The following PHC2 variants were observed in gnomAD, a reference collection of about 807,000 sequenced individuals.
PHC2 encodes the protein polyhomeotic homolog 2, also known as polyhomeotic-like protein 2.
In PHC2, 29 loss-of-function variants were observed where a neutral mutation model predicts 87.4. The ratio of observed to expected loss-of-function variants is 0.33; its 90% CI spans 0.25 to 0.45. The LOEUF is 0.45. Ranked by LOEUF, PHC2 falls within the 20% of genes least tolerant of loss-of-function variation. PHC2 has a pLI of 1.00. For missense variants in PHC2, 857 were observed against 1,136.7 expected, an observed-to-expected ratio of 0.75 and a Z score of 3.54; for synonymous variants, 438 against 461.7, an observed-to-expected ratio of 0.95 and a Z score of 0.66.
intron 6 of PHC2, 62 bp from the exon 7 acceptor site, chr1:33,367,490 T>A: frequency 7.8e-7 from 1 of 1,284,976 alleles, no homozygotes. Context: ...AGTATACAAC[T>A]AAGAGGGAGA....
intron 13 of PHC2, among the ~76,000 whole-genome samples, chr1:33,329,723 A>G (rs1431226232): frequency 1.3e-5 from 2 of 152,162 alleles, no homozygotes; most frequent in Non-Finnish European, 2.9e-5. Context: ...CAAAGGGTGG[A>G]GGCTGCCTTC....
At chr1:33,411,063 C>T (rs777684148) in intron 1 of PHC2, among the ~76,000 whole-genome samples, 3 of 152,118 alleles carry the variant, frequency 2.0e-5, no homozygotes, top group Non-Finnish European at 4.4e-5. Context: ...GAATGAATTA[C>T]ATTTCGATAA....
At chr1:33,337,498 T>C (rs976173598) in intron 9 of PHC2, among the ~76,000 whole-genome samples, 34 of 152,316 alleles carry the variant, frequency 2.2e-4, no homozygotes, top group Non-Finnish European at 1.0e-4. Context: ...GTCTCTATCA[T>C]TGAGTCAACT....
intron 9 of PHC2, chr1:33,346,406 AG>A (rs1179202264): frequency 1.6e-5 from 16 of 985,328 alleles, no homozygotes; most frequent in Non-Finnish European, 3.6e-6. Context: ...GGAATAAAAG[AG>A]AAACTATCAA....
intron 1 of PHC2, among the ~76,000 whole-genome samples, chr1:33,400,978 T>C (rs1163224027): frequency 1.3e-5 from 2 of 152,172 alleles, no homozygotes; most frequent in African/African-American, 4.8e-5. Context: ...AAAGGAATTG[T>C]CTGAAGGTTA....
At position 33,375,510 on chromosome 1, in the gene PHC2, T is replaced by G. The variant is rs769454048; in HGVS notation, c.30A>C (p.Thr10=). The G allele has an allele frequency of 6.2e-6, 10 of 1,601,126 alleles. No individual in the cohort carries two copies. The highest frequency in any genetic ancestry group is 8.5e-6 in the Non-Finnish European group (10 of 1,173,506). The change falls in exon 2 of 15, where the codon ACA becomes ACC. Residue 10 remains threonine (T), a synonymous_variant. Coordinates refer to ENST00000683057, the MANE Select transcript of PHC2 (RefSeq NM_001385109.1). ...TGCTGGTGGCACAGGCACTGCTAGA[T>G]GTATGTGGGACTGGCAGCTCATTCT... MENELPVPH[T]SSSACATSST... is the part of the protein sequence containing the mutation.
At chr1:33,388,488 T>G (rs539171112) in intron 1 of PHC2, among the ~76,000 whole-genome samples, 23 of 152,106 alleles carry the variant, frequency 1.5e-4, no homozygotes, top group African/African-American at 5.5e-4. Flanking sequence ...CACGCCCAGC[T>G]AATTTTTTGT....
At chr1:33,373,442 T>C (rs1390140708) in intron 2 of PHC2, among the ~76,000 whole-genome samples, 1 of 151,710 alleles carries the variant, frequency 6.6e-6, no homozygotes, top group Non-Finnish European at 1.5e-5. Flanking sequence ...TTTCCCTTCC[T>C]CTCTCTCTCC....
At chr1:33,422,500 G>A (rs1306207722) in intron 1 of PHC2, among the ~76,000 whole-genome samples, 1 of 152,224 alleles carries the variant, frequency 6.6e-6, no homozygotes, top group Non-Finnish European at 1.5e-5. Flanking sequence ...GTCATGGCTT[G>A]AAGCTACAAT....
chr1:33,427,264 AC>A (rs1380079388), intron 1 of PHC2, among the ~76,000 whole-genome samples: 5 of 152,232 alleles, frequency 3.3e-5, no homozygotes, highest in Non-Finnish European at 5.9e-5. Flanking sequence ...CACTCAATAA[AC>A]GACAGCTACA....
chr1:33,376,260 C>T (rs994793516), intron 1 of PHC2, among the ~76,000 whole-genome samples: 4 of 152,180 alleles, frequency 2.6e-5, no homozygotes, highest in East Asian at 3.9e-4. Flanking sequence ...GTCTCGAACT[C>T]CTGCCCCTGA....
intron 9 of PHC2, among the ~76,000 whole-genome samples, chr1:33,350,159 G>T (rs1024394581): frequency 2.6e-4 from 40 of 152,084 alleles, no homozygotes; most frequent in Admixed American, 5.2e-4. Context: ...CGCGACTCCC[G>T]CCTTGGACCG....
In PHC2 at chr1:33,349,065, T is replaced by C. The variant is rs1017454518; in HGVS notation, c.1558+5336A>G. On this transcript the variant is annotated intron_variant, in intron 9 of 14. Coordinates refer to ENST00000683057, the MANE Select transcript of PHC2 (RefSeq NM_001385109.1). This position sits in a 1 kb window ranked among gnomAD's most constrained non-coding sequence, Gnocchi z 4.2. ...AAATATAGTCTACCTTCATTTGGCA[T>C]AGGAAGGAGAGAAAACGCTCTTCTA... 3.0e-6 allele frequency: 3 copies of C among 983,942 alleles called. No individual in the cohort carries two copies. The highest frequency in any genetic ancestry group is 1.7e-5 in the African/African-American group (1 of 57,204). 61.0% of individuals were successfully genotyped at this position (983,942 alleles called of 1,614,324 possible).
chr1:33,414,132 A>G (rs962304868), intron 1 of PHC2, among the ~76,000 whole-genome samples: 31 of 152,086 alleles, frequency 2.0e-4, no homozygotes, highest in African/African-American at 7.0e-4. Context: ...TACTAAATAA[A>G]TAAGTGCCCA....
intron 1 of PHC2, among the ~76,000 whole-genome samples, chr1:33,401,182 C>T (rs546027326): frequency 6.6e-5 from 10 of 152,028 alleles, no homozygotes; most frequent in Admixed American, 5.9e-4. Context: ...AAAAATTAGC[C>T]GGGTGTGGTG....
chr1:33,418,963 T>C (rs4652879), intron 1 of PHC2, among the ~76,000 whole-genome samples: 58,245 of 152,100 alleles, frequency 0.38, 11,757 homozygotes, highest in South Asian at 0.52. Flanking sequence ...TTTAATAGCA[T>C]GGCCTTTTGA....
At chr1:33,409,347 T>A (rs1408793383) in intron 1 of PHC2, among the ~76,000 whole-genome samples, 1 of 152,132 alleles carries the variant, frequency 6.6e-6, no homozygotes, top group Non-Finnish European at 1.5e-5. Context: ...CACAAAAAGG[T>A]TCATAGTAAG....
chr1:33,397,763 G>C (rs1434342036), intron 1 of PHC2, among the ~76,000 whole-genome samples: 1 of 152,116 alleles, frequency 6.6e-6, no homozygotes. Context: ...TATGAAGCCT[G>C]GTTACCAGGA....
At position 33,324,227 on chromosome 1, in the gene PHC2, CAG is replaced by C. The variant is rs1349028181; in HGVS notation, c.*636_*637del. On this transcript the variant is annotated 3_prime_UTR_variant, in exon 15 of 15. Coordinates refer to ENST00000683057, the MANE Select transcript of PHC2 (RefSeq NM_001385109.1). ...TTTGCTACAAAACACCTGGAGATGCCAGAGAGTAGCCCTTGGCCTATCTGTCA... is the reference window on the plus strand; with the variant it reads ...TTTGCTACAAAACACCTGGAGATGCCAGAGTAGCCCTTGGCCTATCTGTCA... 7 of 152,804 alleles carry C rather than the reference CAG, an allele frequency of 4.6e-5. No homozygotes were observed. The highest frequency in any genetic ancestry group is 1.7e-4 in the African/African-American group (7 of 41,450). 9.5% of individuals were successfully genotyped at this position (152,804 alleles called of 1,614,324 possible). A position where few individuals can be genotyped will look rare whatever the true frequency, so the allele number is the denominator to read the frequency against.
Sources: allele counts gnomAD v4.1 joint callset (sites outside exome capture counted in the v4.1 genomes callset), GRCh38; gene constraint gnomAD v4.1.1; non-coding constraint Gnocchi (gnomAD v3.1); transcripts MANE v1.5; gene names NCBI Gene and HGNC (gene_info 2026-07-23, HGNC 2026-07-21).